The following PDSS2 variants were observed in gnomAD, a reference collection of about 807,000 sequenced individuals.
PDSS2 encodes decaprenyl diphosphate synthase subunit 2.
Under a neutral mutation model 44.5 loss-of-function variants are expected in PDSS2, and 31 were observed. The observed-to-expected ratio is 0.70, with a 90% CI of 0.52 to 0.94. PDSS2 has a LOEUF of 0.94. Among genes scored for constraint, PDSS2 ranks in the 40% least tolerant of loss-of-function variants. The probability of loss-of-function intolerance (pLI) is 0.00; values close to 1 mark genes in which losing one functional copy is unlikely to be tolerated. For missense variants in PDSS2, 452 were observed against 482.2 expected (o/e 0.94, Z 0.59); for synonymous variants, 157 against 180.3 (o/e 0.87, Z 1.03).
intron 7 of PDSS2, among the ~76,000 whole-genome samples, chr6:107,171,206 G>T (rs1456936047): frequency 6.6e-6 from 1 of 152,034 alleles, no homozygotes; most frequent in Non-Finnish European, 1.5e-5. Flanking sequence ...CTGTCACCTA[G>T]GCTGAAGTGC....
chr6:107,168,896 G>A (rs1771455950), intron 7 of PDSS2, among the ~76,000 whole-genome samples: 3 of 152,022 alleles, frequency 2.0e-5, no homozygotes, highest in Admixed American at 6.6e-5. Flanking sequence ...CTTTCTCTCT[G>A]GCTGCCCTTA....
chr6:107,166,608 C>T lies in PDSS2; in HGVS notation c.1042-11831G>A, dbSNP rs550195222. 2.1e-4 allele frequency among the ~76,000 whole-genome samples: 32 copies of T among 152,228 alleles called. No homozygotes were observed. In the South Asian group the frequency reaches 6.6e-3, roughly 32 times the overall value. Reference sequence around the variant, plus strand: ...CTCGATCTCCTGACCTCGTGATCCGCCCGCCTCGGCCTCCCAAAGTGCTGG... The same window carrying T: ...CTCGATCTCCTGACCTCGTGATCCGTCCGCCTCGGCCTCCCAAAGTGCTGG... On this transcript the variant is annotated intron_variant, in intron 7 of 7. Transcript: ENST00000369037.
chr6:107,189,143 G>T (rs1163609650), intron 7 of PDSS2, among the ~76,000 whole-genome samples: 1 of 152,130 alleles, frequency 6.6e-6, no homozygotes, highest in African/African-American at 2.4e-5. Context: ...TGCCTCTCAG[G>T]CTCAAGCAAT....
At chr6:107,217,351 A>C (rs377042839) in intron 4 of PDSS2, among the ~76,000 whole-genome samples, 4 of 152,170 alleles carry the variant, frequency 2.6e-5, no homozygotes, top group Non-Finnish European at 5.9e-5. Context: ...TAATCATAGT[A>C]GTCCTTATAA....
chr6:107,373,281 G>A (rs934033556), intron 1 of PDSS2, among the ~76,000 whole-genome samples: 1 of 151,992 alleles, frequency 6.6e-6, no homozygotes, highest in Non-Finnish European at 1.5e-5. Context: ...CACTGCACCC[G>A]GTGTAATAAT....
chr6:107,245,452 T>C, intron 4 of PDSS2, 96 bp downstream of exon 4: 1 of 373,634 alleles, frequency 2.7e-6, no homozygotes. Context: ...AAAAGCCATG[T>C]ACAATTTAAA....
chr6:107,414,634 C>T lies in PDSS2; in HGVS notation c.296+44356G>A, dbSNP rs1299622700. On this transcript the variant is annotated intron_variant, in intron 1 of 7. Coordinates refer to ENST00000369037, the MANE Select transcript of PDSS2 (RefSeq NM_020381.4). Reference sequence around the variant, plus strand: ...CATCTTGTCAAGATACCCTTCTCTCCTTCTCTCAATCTGAATTCAAAATCC... The same window carrying T: ...CATCTTGTCAAGATACCCTTCTCTCTTTCTCTCAATCTGAATTCAAAATCC... Among the ~76,000 whole-genome samples the T allele has an allele frequency of 2.6e-5, 4 of 152,200 alleles. No individual in the cohort carries two copies. In the East Asian group the frequency reaches 7.7e-4, roughly 29 times the overall value.
intron 2 of PDSS2, among the ~76,000 whole-genome samples, chr6:107,331,868 G>A (rs1419926102): frequency 1.3e-5 from 2 of 152,008 alleles, no homozygotes; most frequent in Non-Finnish European, 2.9e-5. Flanking sequence ...TTATCTGTAT[G>A]TGTGGTTATC....
chr6:107,360,030 G>C (rs981935468), intron 1 of PDSS2, among the ~76,000 whole-genome samples: 2 of 152,256 alleles, frequency 1.3e-5, no homozygotes, highest in African/African-American at 4.8e-5. Context: ...CACCCATCCA[G>C]TGACCTAGGA....
intron 7 of PDSS2, among the ~76,000 whole-genome samples, chr6:107,180,424 A>G (rs1213066457): frequency 2.6e-5 from 4 of 152,232 alleles, no homozygotes; most frequent in Non-Finnish European, 5.9e-5. Flanking sequence ...GATTAAAAAT[A>G]TACTTGGGGG....
chr6:107,263,658 T>C (rs1327042030), intron 3 of PDSS2, among the ~76,000 whole-genome samples: 4 of 152,340 alleles, frequency 2.6e-5, no homozygotes, highest in African/African-American at 4.8e-5. Context: ...TTTAATATTA[T>C]TTAAAATTCG....
chr6:107,287,093 A>C (rs895089488), intron 2 of PDSS2, among the ~76,000 whole-genome samples: 2 of 152,186 alleles, frequency 1.3e-5, no homozygotes, highest in African/African-American at 4.8e-5. Flanking sequence ...ATGAAATAAC[A>C]TTTTTAGTTC....
chr6:107,312,199 C>T (rs1777065581), intron 2 of PDSS2, among the ~76,000 whole-genome samples: 1 of 152,212 alleles, frequency 6.6e-6, no homozygotes, highest in South Asian at 2.1e-4. Context: ...TGGTATCCTA[C>T]AGCACTATTG....
intron 3 of PDSS2, chr6:107,264,137 A>T: frequency 1.8e-6 from 1 of 548,924 alleles, no homozygotes; most frequent in Non-Finnish European, 2.5e-6. Context: ...GTTTCAATTT[A>T]ACATGAATTT....
intron 2 of PDSS2, among the ~76,000 whole-genome samples, chr6:107,279,151 G>A (rs532433971): frequency 3.3e-5 from 5 of 151,342 alleles, no homozygotes; most frequent in Admixed American, 2.6e-4. Context: ...CCCGGGAGGC[G>A]GAGGTTGCAG....
intron 2 of PDSS2, among the ~76,000 whole-genome samples, chr6:107,314,261 T>C (rs1777135011): frequency 6.6e-6 from 1 of 152,134 alleles, no homozygotes; most frequent in Non-Finnish European, 1.5e-5. Flanking sequence ...GCCCTTATAC[T>C]GATAAAACAG....
intron 2 of PDSS2, among the ~76,000 whole-genome samples, chr6:107,308,845 C>T (rs1372028342): frequency 6.6e-6 from 1 of 152,194 alleles, no homozygotes; most frequent in Non-Finnish European, 1.5e-5. Context: ...TGAACAGAGT[C>T]GACAGCTGCC....
At chr6:107,355,942 T>G (rs979621914) in intron 1 of PDSS2, among the ~76,000 whole-genome samples, 4 of 152,220 alleles carry the variant, frequency 2.6e-5, no homozygotes, top group African/African-American at 7.2e-5. Context: ...TCTTTATCCC[T>G]GATGAGGAAG....
chr6:107,417,716 T>C (rs1394358828), intron 1 of PDSS2, among the ~76,000 whole-genome samples: 1 of 151,730 alleles, frequency 6.6e-6, no homozygotes. Context: ...GCTGAGATCA[T>C]GCCATTGCAC....
Sources: gnomAD v4.1 joint callset for allele counts (sites outside exome capture counted in the v4.1 genomes callset) on GRCh38, gnomAD v4.1.1 for gene constraint, MANE v1.5 for transcripts, NCBI Gene and HGNC (gene_info 2026-07-23, HGNC 2026-07-21) for gene names.